Variants in MGAT5B observed in about 807,000 individuals in gnomAD.
MGAT5B encodes the protein alpha-1,6-mannosylglycoprotein 6-beta-N-acetylglucosaminyltransferase B.
MGAT5B carries 54 observed loss-of-function variants against 95.1 expected under a neutral mutation model. The ratio of observed to expected loss-of-function variants is 0.57; its 90% CI spans 0.46 to 0.71. MGAT5B has a LOEUF of 0.71. Among genes scored for constraint, MGAT5B ranks in the 30% least tolerant of loss-of-function variants. The pLI is 0.00. For synonymous variants in MGAT5B, 464 were observed against 451.0 expected, an observed-to-expected ratio of 1.03 and a Z score of -0.36; for missense variants, 935 against 1,088.6, an observed-to-expected ratio of 0.86 and a Z score of 1.99.
chr17:76,901,110 C>G (rs527494816), intron 3 of MGAT5B, among the ~76,000 whole-genome samples: 1 of 152,192 alleles, frequency 6.6e-6, no homozygotes, highest in Admixed American at 6.5e-5. Flanking sequence ...GGCCACTGCC[C>G]TTTCTTTCCT....
At chr17:76,926,259 G>C (rs1969308660) in intron 9 of MGAT5B, among the ~76,000 whole-genome samples, 1 of 152,164 alleles carries the variant, frequency 6.6e-6, no homozygotes, top group South Asian at 2.1e-4. Context: ...GGGGACACCA[G>C]AGAGGGACCC....
chr17:76,871,507 A>C (rs1227062425), intron 1 of MGAT5B, among the ~76,000 whole-genome samples: 1 of 152,144 alleles, frequency 6.6e-6, no homozygotes, highest in African/African-American at 2.4e-5. Flanking sequence ...CTTCCTTTAA[A>C]TATGGGCTGG....
At chr17:76,897,143 C>T (rs939605259) in intron 3 of MGAT5B, among the ~76,000 whole-genome samples, 6 of 152,124 alleles carry the variant, frequency 3.9e-5, no homozygotes, top group African/African-American at 1.4e-4. Flanking sequence ...TCTCGAACTC[C>T]TGGGTTCAAG....
intron 12 of MGAT5B, among the ~76,000 whole-genome samples, chr17:76,935,892 AAT>A (rs1567822990): frequency 2.0e-5 from 1 of 51,172 alleles, no homozygotes; most frequent in African/African-American, 7.4e-5. Context: ...TATATTATAT[AAT>A]TATATATACA....
At chr17:76,921,481 G>T (rs1969122375) in intron 8 of MGAT5B, among the ~76,000 whole-genome samples, 1 of 152,156 alleles carries the variant, frequency 6.6e-6, no homozygotes, top group Non-Finnish European at 1.5e-5. Context: ...GGATCTGGGT[G>T]CCAAGGTTTA....
rs573388765 is a variant in MGAT5B, at chr17:76,928,548, T to C, written c.1291+1818T>C. ...GGTGAAACCCCGTCTCTACTAAAAA[T>C]ACAAAAATTAGCCGGGTGTGGTCGT... On this transcript the variant is annotated intron_variant, in intron 10 of 17. Coordinates refer to ENST00000569840, the MANE Select transcript of MGAT5B (RefSeq NM_001199172.2). 9.2e-5 allele frequency among the ~76,000 whole-genome samples: 14 copies of C among 151,818 alleles called. No homozygotes were observed. The South Asian group carries it at 2.9e-3, about 32-fold the overall frequency.
At position 76,932,794 on chromosome 17, in the gene MGAT5B, C is replaced by G. The variant is rs748242041; in HGVS notation, c.1422+19C>G. Reference sequence around the variant, plus strand: ...CTGGAAGGTGAGCGCGGCCCCTGCGCGCGGGAAGCACCAGCCTGCTCGGCA... The same window carrying G: ...CTGGAAGGTGAGCGCGGCCCCTGCGGGCGGGAAGCACCAGCCTGCTCGGCA... On this transcript the variant is annotated intron_variant, in intron 11 of 17. Transcript: ENST00000569840. 3.7e-6 allele frequency: 6 copies of G among 1,612,330 alleles called. No homozygotes were observed. In the East Asian group the frequency reaches 1.1e-4, roughly 30 times the overall value.
intron 12 of MGAT5B, among the ~76,000 whole-genome samples, chr17:76,934,613 C>CGG (rs1273862770): frequency 6.6e-6 from 1 of 152,078 alleles, no homozygotes; most frequent in Admixed American, 6.5e-5. Flanking sequence ...AGGGCAGAGT[C>CGG]GGAGGGTCGT....
chr17:76,932,611 G>A (rs1349342293), intron 10 of MGAT5B, 34 bp from the exon 11 acceptor site: 3 of 1,611,854 alleles, frequency 1.9e-6, no homozygotes, highest in Admixed American at 1.7e-5. Context: ...TGGTTGTTTG[G>A]TGACCCCATT....
At chr17:76,887,463 C>T (rs1327230110) in intron 3 of MGAT5B, among the ~76,000 whole-genome samples, 3 of 117,276 alleles carry the variant, frequency 2.6e-5, no homozygotes, top group Admixed American at 8.3e-5. Context: ...TCCTCCCTCC[C>T]TCCCTCCCTT....
rs572382879 is a variant in MGAT5B, at chr17:76,930,493, G to A, written c.1292-2152G>A. ...CTCCTCACTCACCATAGCCCCTTCC[G>A]TGCGGGAAGGTAGATTAAATATCCT... On this transcript the variant is annotated intron_variant, in intron 10 of 17. Transcript: ENST00000569840. The surrounding 1 kb of genome is among the most constrained non-coding windows in gnomAD (Gnocchi z 4.1). Among the ~76,000 whole-genome samples the A allele has an allele frequency of 1.3e-5, 2 of 152,146 alleles. No individual in the cohort carries two copies.
chr17:76,900,957 G>A (rs1445263169), intron 3 of MGAT5B, among the ~76,000 whole-genome samples: 1 of 147,812 alleles, frequency 6.8e-6, no homozygotes, highest in Non-Finnish European at 1.5e-5. Context: ...GTGTGTGCGT[G>A]TGCACGCCTG....
In MGAT5B at chr17:76,905,992, T is replaced by A. The variant is rs369867167; in HGVS notation, c.856-26T>A. On this transcript the variant is annotated intron_variant, in intron 7 of 17. Coordinates refer to ENST00000569840, the MANE Select transcript of MGAT5B (RefSeq NM_001199172.2). The surrounding 1 kb of genome is among the most constrained non-coding windows in gnomAD (Gnocchi z 4.2). The stretch of plus-strand genomic sequence containing the variant: ...GCTCAGAGCTGCTGCTCCTCTCTGC[T>A]GACCCTCTGTGTTCCGCCCACCCAG... 8.9e-6 allele frequency: 14 copies of A among 1,577,118 alleles called. No homozygotes were observed. The highest frequency in any genetic ancestry group is 1.4e-5 in the African/African-American group (1 of 72,106).
chr17:76,890,431 C>G (rs1428088125), intron 3 of MGAT5B, among the ~76,000 whole-genome samples: 3 of 152,144 alleles, frequency 2.0e-5, no homozygotes, highest in Non-Finnish European at 4.4e-5. Context: ...CTGTAACTAC[C>G]TATAGGTCTC....
chr17:76,895,631 TGA>T (rs1968039627), intron 3 of MGAT5B, among the ~76,000 whole-genome samples: 2 of 152,132 alleles, frequency 1.3e-5, no homozygotes, highest in Non-Finnish European at 1.5e-5. Flanking sequence ...TCTCTGTTTG[TGA>T]GTTTCAGACC....
intron 8 of MGAT5B, among the ~76,000 whole-genome samples, chr17:76,909,152 T>C (rs1968643137): frequency 6.6e-6 from 1 of 152,012 alleles, no homozygotes; most frequent in South Asian, 2.1e-4. Context: ...AAAATAGAGA[T>C]GGGTTTCCGC....
At chr17:76,879,104 G>T (rs1247125328) in intron 2 of MGAT5B, among the ~76,000 whole-genome samples, 2 of 152,164 alleles carry the variant, frequency 1.3e-5, no homozygotes, top group African/African-American at 4.8e-5. Flanking sequence ...ATAGTTTTTG[G>T]CCCATCATCT....
Position 76,889,705 on chromosome 17 carries a change from A to T in MGAT5B, c.329+7407A>T, listed in dbSNP as rs1967798087. Among the ~76,000 whole-genome samples, 1 of 152,156 alleles carries T rather than the reference A, an allele frequency of 6.6e-6. No individual in the cohort carries two copies. The highest frequency in any genetic ancestry group is 2.1e-4 in the South Asian group (1 of 4,834). On this transcript the variant is annotated intron_variant, in intron 3 of 17. Coordinates refer to ENST00000569840, the MANE Select transcript of MGAT5B (RefSeq NM_001199172.2). This position sits in a 1 kb window ranked among gnomAD's most constrained non-coding sequence, Gnocchi z 4.4. ...CAAATAATAATAACAGCCACCCTCT[A>T]TTGGGCACCAAGCTCACTAGAGCTT...
Position 76,940,389 on chromosome 17 carries a change from C to T in MGAT5B, c.1585-13C>T, listed in dbSNP as rs1484584197. The stretch of plus-strand genomic sequence containing the variant: ...CCAGCCCTCCCTGATCACTGCGCCC[C>T]TTGACTCTGCAGCTCTTCATCGGGT... On this transcript the variant is annotated splice_polypyrimidine_tract_variant and intron_variant, in intron 13 of 17. Transcript: ENST00000569840. This position sits in a 1 kb window ranked among gnomAD's most constrained non-coding sequence, Gnocchi z 4.3. 2 of 1,590,128 alleles carry T rather than the reference C, an allele frequency of 1.3e-6. No homozygotes were observed.
Sources: gnomAD v4.1 joint callset for allele counts (sites outside exome capture counted in the v4.1 genomes callset) on GRCh38, gnomAD v4.1.1 for gene constraint, Gnocchi (gnomAD v3.1) non-coding constraint, MANE v1.5 for transcripts, NCBI Gene and HGNC (gene_info 2026-07-23, HGNC 2026-07-21) for gene names.